Variants in PCDH15 observed in about 807,000 individuals in gnomAD.
The protein encoded by PCDH15 is protocadherin related 15, also known as protocadherin-15.
PCDH15 carries 129 observed loss-of-function variants against 178.5 expected under a neutral mutation model. The ratio of observed to expected loss-of-function variants is 0.72; its 90% CI spans 0.63 to 0.84. The LOEUF is 0.84. PCDH15 is among the 40% of genes least tolerant of loss of function. PCDH15 has a pLI of 0.00. For synonymous variants in PCDH15, 800 were observed against 732.0 expected (o/e 1.09, Z -1.50); for missense variants, 2,230 against 2,099.9 (o/e 1.06, Z -1.21).
chr10:54,327,828 G>C (rs1938495877), intron 7 of PCDH15, among the ~76,000 whole-genome samples: 1 of 151,954 alleles, frequency 6.6e-6, no homozygotes, highest in Non-Finnish European at 1.5e-5. Flanking sequence ...AAAAGAAAAG[G>C]CTATTAATTT....
intron 3 of PCDH15, among the ~76,000 whole-genome samples, chr10:54,866,664 A>G (rs113126855): frequency 4.5e-4 from 68 of 152,292 alleles, no homozygotes; most frequent in African/African-American, 1.6e-3. Flanking sequence ...AATTATTTGA[A>G]TGAAGAACAC....
At chr10:54,434,549 G>A (rs1329429255) in intron 3 of PCDH15, among the ~76,000 whole-genome samples, 2 of 152,182 alleles carry the variant, frequency 1.3e-5, no homozygotes, top group African/African-American at 4.8e-5. Flanking sequence ...TAGCCTAGGA[G>A]AAATAAGCTA....
intron 2 of PCDH15, among the ~76,000 whole-genome samples, chr10:55,352,903 C>T (rs558000529): frequency 6.6e-6 from 1 of 152,180 alleles, no homozygotes; most frequent in Admixed American, 6.6e-5. Flanking sequence ...TTAATCCAGG[C>T]AAAACCATTA....
At chr10:54,692,345 A>G (rs2095137325) in intron 1 of PCDH15, among the ~76,000 whole-genome samples, 1 of 152,224 alleles carries the variant, frequency 6.6e-6, no homozygotes, top group African/African-American at 2.4e-5. Context: ...TGCACTTTGT[A>G]TCTTAAACTA....
At chr10:55,246,662 C>G (rs1841687176) in intron 1 of PCDH15, among the ~76,000 whole-genome samples, 1 of 152,110 alleles carries the variant, frequency 6.6e-6, no homozygotes, top group Non-Finnish European at 1.5e-5. Flanking sequence ...TGTATGTACT[C>G]AGACTTATGC....
intron 9 of PCDH15, among the ~76,000 whole-genome samples, chr10:54,217,306 A>G (rs892624996): frequency 6.6e-6 from 1 of 152,180 alleles, no homozygotes; most frequent in Non-Finnish European, 1.5e-5. Context: ...GAACTACCCC[A>G]GGTGAATTTT....
At chr10:55,515,052 C>T (rs944666154) in intron 2 of PCDH15, among the ~76,000 whole-genome samples, 39 of 139,870 alleles carry the variant, frequency 2.8e-4, no homozygotes, top group Non-Finnish European at 5.1e-4. Context: ...TGCAGTGGTG[C>T]GATCTCGGCT....
At chr10:54,877,575 A>G (rs1270839629) in intron 3 of PCDH15, among the ~76,000 whole-genome samples, 2 of 152,194 alleles carry the variant, frequency 1.3e-5, no homozygotes, top group Admixed American at 1.3e-4. Context: ...AAGAGTGAAT[A>G]TCTAAAAGAA....
intron 8 of PCDH15, among the ~76,000 whole-genome samples, chr10:54,278,410 T>A (rs887327289): frequency 2.0e-5 from 3 of 151,608 alleles, no homozygotes; most frequent in Non-Finnish European, 4.4e-5. Context: ...TTTAATAACA[T>A]ATTTTTAAAA....
chr10:54,183,474 T>C lies in PCDH15; in HGVS notation c.1560A>G (p.Thr520=), dbSNP rs1246834006. 2 of 1,613,566 alleles carry C rather than the reference T, an allele frequency of 1.2e-6. No homozygotes were observed. The highest frequency in any genetic ancestry group is 1.3e-5 in the African/African-American group (1 of 75,048). ...PEISYDVYVY[T]DMRPGDSVIQ... Reference sequence around the variant, plus strand: ...TGACACTGTCCCCAGGTCTCATGTCTGTATAAACATACACATCATAGGATA... The same window carrying C: ...TGACACTGTCCCCAGGTCTCATGTCCGTATAAACATACACATCATAGGATA... Residue 520 remains threonine (T), a synonymous_variant, in exon 13 of 38, where the codon ACA becomes ACG. Coordinates refer to ENST00000644397, the MANE Select transcript of PCDH15 (RefSeq NM_001384140.1).
chr10:54,861,005 A>G (rs573948089), intron 3 of PCDH15, among the ~76,000 whole-genome samples: 22 of 152,280 alleles, frequency 1.4e-4, no homozygotes, highest in African/African-American at 5.1e-4. Flanking sequence ...TTAATTTAGT[A>G]TTAACCAATC....
At position 54,383,614 on chromosome 10, in the gene PCDH15, CGTGTATGTGTGTTTTT is replaced by C. The variant is rs1334084603; in HGVS notation, c.158-4688_158-4673del. Among the ~76,000 whole-genome samples the C allele has an allele frequency of 2.2e-3, 159 of 73,094 alleles. 3 individuals carry two copies. Among genetic ancestry groups the C allele is most frequent in the Non-Finnish European group, 3.1e-4 (11 of 35,290 alleles). The allele number at this position is 73,094 out of a possible 152,430, so 48.0% of individuals were successfully genotyped here. ...AATTAAAAGTACAAGCATACCATGC[CGTGTATGTGTGTTTTT>C]GTGTGTGTGTGTGTGTGTGTGTGTG... On this transcript the variant is annotated intron_variant, in intron 3 of 37. Coordinates refer to ENST00000644397, the MANE Select transcript of PCDH15 (RefSeq NM_001384140.1).
At chr10:55,148,908 A>T (rs1838606679) in intron 2 of PCDH15, among the ~76,000 whole-genome samples, 1 of 150,232 alleles carries the variant, frequency 6.7e-6, no homozygotes, top group Non-Finnish European at 1.5e-5. Flanking sequence ...AACTCCAATA[A>T]AGTTAATGAC....
At chr10:55,228,404 T>C (rs1191345057) in intron 1 of PCDH15, among the ~76,000 whole-genome samples, 1 of 152,000 alleles carries the variant, frequency 6.6e-6, no homozygotes, top group Non-Finnish European at 1.5e-5. Flanking sequence ...GTATGGGGAA[T>C]GAATATTCTG....
At chr10:54,877,662 T>C (rs1442333916) in intron 3 of PCDH15, among the ~76,000 whole-genome samples, 2 of 152,090 alleles carry the variant, frequency 1.3e-5, no homozygotes, top group Non-Finnish European at 2.9e-5. Context: ...AATATAAATA[T>C]TTTAAAAATT....
intron 3 of PCDH15, among the ~76,000 whole-genome samples, chr10:54,383,629 T>TTGTGTGTG (rs71461236): frequency 5.6e-4 from 66 of 117,588 alleles, no homozygotes; most frequent in African/African-American, 2.1e-3. Flanking sequence ...ATGTGTGTTT[T>TTGTGTGTG]TGTGTGTGTG....
intron 2 of PCDH15, among the ~76,000 whole-genome samples, chr10:55,337,956 T>C (rs185003685): frequency 1.2e-3 from 189 of 152,138 alleles, no homozygotes; most frequent in Middle Eastern, 6.8e-3. Context: ...GCTCAAGCAA[T>C]TCAATAGGAA....
At position 53,828,575 on chromosome 10, in the gene PCDH15, T is replaced by C. The variant is rs1300626153; in HGVS notation, c.4203-2A>G. Reference sequence around the variant, plus strand: ...GTTAATTATACTTACACTTTAAACCTGTTTGGGAAAGCAAGAGTAAGAAAA... The same window carrying C: ...GTTAATTATACTTACACTTTAAACCCGTTTGGGAAAGCAAGAGTAAGAAAA... On this transcript the variant is annotated splice_acceptor_variant, in intron 30 of 37. Transcript: ENST00000644397. LOFTEE classifies it high-confidence loss of function. 2 of 1,553,612 alleles carry C rather than the reference T, an allele frequency of 1.3e-6. No individual in the cohort carries two copies. Among genetic ancestry groups the C allele is most frequent in the Admixed American group, 1.7e-5 (1 of 59,826 alleles).
chr10:55,361,814 A>G (rs779794930), intron 2 of PCDH15, among the ~76,000 whole-genome samples: 12 of 152,192 alleles, frequency 7.9e-5, no homozygotes, highest in Middle Eastern at 3.4e-3. Context: ...ATTTCATTAC[A>G]AATGTACAGT....
Sources: gnomAD v4.1 joint callset for allele counts (sites outside exome capture counted in the v4.1 genomes callset) on GRCh38, gnomAD v4.1.1 for gene constraint, MANE v1.5 for transcripts, NCBI Gene and HGNC (gene_info 2026-07-23, HGNC 2026-07-21) for gene names.